Variants in DISC1 observed in about 807,000 individuals in gnomAD.
DISC1 encodes the protein DISC1 scaffold protein.
In DISC1, 57 loss-of-function variants were observed where a neutral mutation model predicts 84.5. The ratio of observed to expected loss-of-function variants is 0.67; its 90% CI spans 0.55 to 0.84. DISC1 has a LOEUF of 0.84. DISC1 is among the 40% of genes least tolerant of loss of function. The pLI, the probability that DISC1 is intolerant of heterozygous loss-of-function variation, is 0.00. For missense variants in DISC1, 1,000 were observed against 1,057.8 expected (o/e 0.95, Z 0.76); for synonymous variants, 411 against 415.2 (o/e 0.99, Z 0.12).
chr1:231,856,421 C>CGATATTGTG (rs2084276460), intron 9 of DISC1, among the ~76,000 whole-genome samples: 1 of 151,998 alleles, frequency 6.6e-6, no homozygotes, highest in Non-Finnish European at 1.5e-5. Context: ...GTTGCTGAAA[C>CGATATTGTG]GATATTGTGG....
intron 1 of DISC1, among the ~76,000 whole-genome samples, chr1:231,666,868 TTAG>T (rs1465436031): frequency 1.3e-5 from 2 of 152,160 alleles, no homozygotes; most frequent in Non-Finnish European, 2.9e-5. Flanking sequence ...GCTGAGGTGA[TTAG>T]TAGTTCTCAG....
At position 231,626,801 on chromosome 1, in the gene DISC1, G is replaced by T. The variant is rs1050256043; in HGVS notation, c.-67G>T. On this transcript the variant is annotated 5_prime_UTR_variant, in exon 1 of 13. Transcript: ENST00000439617. ...TCCAGCGCGCTGCTCCCTTCCCCCC[G>T]CCTCTGGCCTCGGGGAAGGAGCAGG... 3 of 1,222,380 alleles carry T rather than the reference G, an allele frequency of 2.5e-6. No homozygotes were observed. Among genetic ancestry groups the T allele is most frequent in the African/African-American group, 1.6e-5 (1 of 62,158 alleles). 75.7% of individuals were successfully genotyped at this position (1,222,380 alleles called of 1,614,324 possible).
At chr1:232,004,735 CAA>C (rs1376846478) in intron 10 of DISC1, among the ~76,000 whole-genome samples, 1 of 152,076 alleles carries the variant, frequency 6.6e-6, no homozygotes, top group African/African-American at 2.4e-5. Flanking sequence ...TGAAAAATAC[CAA>C]AGTGCCCCCA....
At chr1:232,032,289 C>T (rs1406386270) in intron 12 of DISC1, among the ~76,000 whole-genome samples, 2 of 152,172 alleles carry the variant, frequency 1.3e-5, no homozygotes. Flanking sequence ...TACTTGGACA[C>T]TTCATTAACA....
chr1:231,762,802 G>A (rs575700173), intron 4 of DISC1, among the ~76,000 whole-genome samples: 2 of 152,228 alleles, frequency 1.3e-5, no homozygotes, highest in South Asian at 2.1e-4. Context: ...TGTGAGGGTG[G>A]GGTCTGTATA....
chr1:231,933,491 G>C (rs932888828), intron 9 of DISC1, among the ~76,000 whole-genome samples: 1 of 152,046 alleles, frequency 6.6e-6, no homozygotes, highest in Admixed American at 6.5e-5. Context: ...TGTTCTTTTG[G>C]TTCTGTCCCC....
At chr1:231,776,571 C>T (rs991752364) in intron 6 of DISC1, among the ~76,000 whole-genome samples, 1 of 152,116 alleles carries the variant, frequency 6.6e-6, no homozygotes, top group Non-Finnish European at 1.5e-5. Context: ...GTATCCATGC[C>T]CCCAGCCACT....
At chr1:231,955,704 G>A (rs1237347940) in intron 9 of DISC1, among the ~76,000 whole-genome samples, 1 of 151,938 alleles carries the variant, frequency 6.6e-6, no homozygotes, top group East Asian at 1.9e-4. Context: ...TGGCCAGGCT[G>A]GTCTTGAACT....
intron 1 of DISC1, among the ~76,000 whole-genome samples, chr1:231,664,236 C>T (rs1356865976): frequency 2.6e-5 from 4 of 152,134 alleles, no homozygotes; most frequent in African/African-American, 9.7e-5. Flanking sequence ...ACCTAGATCT[C>T]CCTGACTCCA....
chr1:231,963,996 C>T (rs886130855), intron 10 of DISC1, among the ~76,000 whole-genome samples: 2 of 152,142 alleles, frequency 1.3e-5, no homozygotes, highest in African/African-American at 4.8e-5. Context: ...GGTCAGGGGT[C>T]GATCTTTAAC....
chr1:232,005,520 T>C (rs1667311554), intron 10 of DISC1, among the ~76,000 whole-genome samples: 1 of 152,204 alleles, frequency 6.6e-6, no homozygotes. Flanking sequence ...CCTAGGTATG[T>C]GTTTTCTTTG....
chr1:231,720,960 G>T, intron 3 of DISC1: 1 of 1,290,944 alleles, frequency 7.7e-7, no homozygotes, highest in South Asian at 1.2e-5. Flanking sequence ...GTCACTGGAA[G>T]GGTTACATTT....
intron 1 of DISC1, among the ~76,000 whole-genome samples, chr1:231,640,257 G>A (rs533076119): frequency 2.0e-5 from 3 of 151,936 alleles, no homozygotes; most frequent in African/African-American, 2.4e-5. Context: ...TACTGCCTCC[G>A]TTTCTTGAGA....
At chr1:231,838,636 A>G (rs1182723511) in intron 9 of DISC1, among the ~76,000 whole-genome samples, 1 of 152,172 alleles carries the variant, frequency 6.6e-6, no homozygotes, top group Non-Finnish European at 1.5e-5. Context: ...ATCTTGCATT[A>G]TATCTCACGT....
intron 1 of DISC1, among the ~76,000 whole-genome samples, chr1:231,633,882 A>C (rs1165569569): frequency 7.5e-6 from 1 of 132,576 alleles, no homozygotes; most frequent in African/African-American, 2.8e-5. Flanking sequence ...CATACCTGTC[A>C]TCTTTTTTTT....
rs1259227436 is a variant in DISC1 at position 232,031,342 on chromosome 1, GA to G, written c.2425+4791del. On this transcript the variant is annotated intron_variant, in intron 12 of 12. Transcript: ENST00000439617. This position sits in a 1 kb window ranked among gnomAD's most constrained non-coding sequence, Gnocchi z 4.6. ...AGAGAAAAGGAAAGGAAAAGGAAAAGAGGAAAGAAAAGGAAAGGGAAGGGAG... is the reference window on the plus strand; with the variant it reads ...AGAGAAAAGGAAAGGAAAAGGAAAAGGGAAAGAAAAGGAAAGGGAAGGGAG... Among the ~76,000 whole-genome samples, 198 of 148,856 alleles carry G rather than the reference GA, an allele frequency of 1.3e-3. No homozygotes were observed. Among genetic ancestry groups the G allele is most frequent in the Non-Finnish European group, 2.4e-3 (164 of 67,274 alleles).
At chr1:231,997,982 G>C (rs1666172054) in intron 10 of DISC1, among the ~76,000 whole-genome samples, 1 of 151,062 alleles carries the variant, frequency 6.6e-6, no homozygotes, top group Non-Finnish European at 1.5e-5. Flanking sequence ...TATTGAAGTA[G>C]ACATACAAGG....
chr1:232,011,137 G>C (rs1334492153), intron 11 of DISC1, among the ~76,000 whole-genome samples: 1 of 152,118 alleles, frequency 6.6e-6, no homozygotes, highest in Non-Finnish European at 1.5e-5. Flanking sequence ...GACTTTCCCA[G>C]GCATAGGAGG....
At chr1:231,865,454 C>T (rs868009301) in intron 9 of DISC1, among the ~76,000 whole-genome samples, 1 of 152,108 alleles carries the variant, frequency 6.6e-6, no homozygotes, top group African/African-American at 2.4e-5. Context: ...GAGGCTAAAC[C>T]TTTGTTGTAT....
Sources: gnomAD v4.1 joint callset for allele counts (sites outside exome capture counted in the v4.1 genomes callset) on GRCh38, gnomAD v4.1.1 for gene constraint, Gnocchi (gnomAD v3.1) non-coding constraint, MANE v1.5 for transcripts, NCBI Gene and HGNC (gene_info 2026-07-23, HGNC 2026-07-21) for gene names.